The following DPYD variants were observed in gnomAD, a reference collection of about 807,000 sequenced individuals.
DPYD encodes the protein dihydropyrimidine dehydrogenase [NADP(+)].
Under a neutral mutation model 116.2 loss-of-function variants are expected in DPYD, and 109 were observed. That is an observed-to-expected ratio of 0.94 (90% CI 0.80 to 1.10). The LOEUF (loss-of-function observed/expected upper bound fraction) is 1.10. DPYD is among the 50% of genes least tolerant of loss of function. The pLI is 0.00. For synonymous variants in DPYD, 440 were observed against 432.0 expected (o/e 1.02, Z -0.23); for missense variants, 1,302 against 1,254.5 (o/e 1.04, Z -0.57).
intron 10 of DPYD, among the ~76,000 whole-genome samples, chr1:97,577,655 T>A (rs1354074681): frequency 6.6e-6 from 1 of 152,118 alleles, no homozygotes; most frequent in Non-Finnish European, 1.5e-5. Context: ...CCTGTCCCAA[T>A]CATTGAAGGA....
intron 1 of DPYD, among the ~76,000 whole-genome samples, chr1:97,884,035 TATA>T (rs1217459516): frequency 2.0e-5 from 3 of 152,004 alleles, no homozygotes; most frequent in Admixed American, 6.6e-5. Context: ...TTATCATTGA[TATA>T]ATGACATCAT....
chr1:97,305,129 T>C (rs1170322301), intron 18 of DPYD, 130 bp downstream of exon 18: 1 of 1,308,166 alleles, frequency 7.6e-7, no homozygotes, highest in Non-Finnish European at 1.1e-6. Flanking sequence ...GTCATAACTA[T>C]TAGGAATATT....
At chr1:97,304,349 G>A (rs950932080) in intron 18 of DPYD, among the ~76,000 whole-genome samples, 1 of 151,938 alleles carries the variant, frequency 6.6e-6, no homozygotes, top group Non-Finnish European at 1.5e-5. Flanking sequence ...GGTGCTCCTC[G>A]TCAGCCTTCT....
At chr1:97,659,871 T>A (rs548483448) in intron 8 of DPYD, among the ~76,000 whole-genome samples, 1 of 152,248 alleles carries the variant, frequency 6.6e-6, no homozygotes, top group African/African-American at 2.4e-5. Flanking sequence ...TATATGAGTA[T>A]TGTATATTCA....
At chr1:97,752,164 T>A (rs562710862) in intron 3 of DPYD, among the ~76,000 whole-genome samples, 1 of 152,230 alleles carries the variant, frequency 6.6e-6, no homozygotes, top group African/African-American at 2.4e-5. Context: ...AATGTCCATA[T>A]ATGAATTGTC....
intron 14 of DPYD, among the ~76,000 whole-genome samples, chr1:97,423,807 C>T (rs917861343): frequency 6.6e-6 from 1 of 152,096 alleles, no homozygotes; most frequent in Non-Finnish European, 1.5e-5. Flanking sequence ...CTTTCTAGTC[C>T]TCTTCTCTCT....
intron 8 of DPYD, among the ~76,000 whole-genome samples, chr1:97,647,925 C>G (rs1457346549): frequency 6.6e-6 from 1 of 151,978 alleles, no homozygotes; most frequent in East Asian, 1.9e-4. Flanking sequence ...ACTGATGACT[C>G]AACTCTGCCC....
chr1:97,614,827 T>C (rs1227049523), intron 8 of DPYD, among the ~76,000 whole-genome samples: 1 of 152,126 alleles, frequency 6.6e-6, no homozygotes, highest in Non-Finnish European at 1.5e-5. Flanking sequence ...CTAGAAAATT[T>C]TACAATTCTT....
intron 3 of DPYD, among the ~76,000 whole-genome samples, chr1:97,765,844 G>T (rs1557944320): frequency 6.6e-6 from 1 of 152,196 alleles, no homozygotes; most frequent in Non-Finnish European, 1.5e-5. Context: ...GCTGATAATT[G>T]ATGCAAAAGC....
At chr1:97,775,629 T>A (rs1197256550) in intron 3 of DPYD, among the ~76,000 whole-genome samples, 1 of 152,160 alleles carries the variant, frequency 6.6e-6, no homozygotes, top group Non-Finnish European at 1.5e-5. Context: ...TCTGCTCTGT[T>A]TTTACTCAAC....
intron 22 of DPYD, among the ~76,000 whole-genome samples, chr1:97,080,577 C>T (rs1649085688): frequency 6.6e-6 from 1 of 152,056 alleles, no homozygotes; most frequent in African/African-American, 2.4e-5. Context: ...GAATATCTGT[C>T]CACACAAATT....
chr1:97,384,717 C>A (rs1017719784), intron 14 of DPYD, among the ~76,000 whole-genome samples: 8 of 151,750 alleles, frequency 5.3e-5, no homozygotes, highest in South Asian at 2.1e-4. Context: ...CAGGACTAGT[C>A]AACTAGAGAA....
intron 14 of DPYD, among the ~76,000 whole-genome samples, chr1:97,429,861 ATGTGGAGAAGAGGGT>A (rs1675076327): frequency 6.6e-6 from 1 of 152,070 alleles, no homozygotes; most frequent in Non-Finnish European, 1.5e-5. Flanking sequence ...AGGAATAGGG[ATGTGGAGAAGAGGGT>A]TGTGGAGAAG....
chr1:97,522,267 C>T (rs2101994357), intron 12 of DPYD, among the ~76,000 whole-genome samples: 1 of 152,232 alleles, frequency 6.6e-6, no homozygotes. Flanking sequence ...AGACACTTCT[C>T]AAAAGAAGAT....
intron 12 of DPYD, among the ~76,000 whole-genome samples, chr1:97,525,976 A>AGTGTGTGT (rs1491557954): frequency 1.4e-5 from 1 of 73,720 alleles, no homozygotes; most frequent in Non-Finnish European, 2.9e-5. Context: ...TGGGTAATTA[A>AGTGTGTGT]GAGTGTGTGT....
At chr1:97,716,459 G>A (rs2101014536) in intron 5 of DPYD, among the ~76,000 whole-genome samples, 1 of 151,916 alleles carries the variant, frequency 6.6e-6, no homozygotes, top group South Asian at 2.1e-4. Context: ...TCCAAACCCT[G>A]CCAAAAAAAC....
intron 7 of DPYD, among the ~76,000 whole-genome samples, chr1:97,684,597 A>C (rs1015237163): frequency 1.3e-5 from 2 of 151,670 alleles, no homozygotes; most frequent in African/African-American, 2.4e-5. Flanking sequence ...ACACACACCA[A>C]TAGGTAGACT....
intron 16 of DPYD, among the ~76,000 whole-genome samples, chr1:97,371,913 A>G (rs1671329428): frequency 6.6e-6 from 1 of 152,212 alleles, no homozygotes; most frequent in African/African-American, 2.4e-5. Context: ...GAGTTTTTAG[A>G]AAGCTTAATG....
chr1:97,739,126 T>A (rs751919340), intron 4 of DPYD, among the ~76,000 whole-genome samples: 1 of 152,142 alleles, frequency 6.6e-6, no homozygotes, highest in Non-Finnish European at 1.5e-5. Context: ...TGGATTCTCC[T>A]TTTCTGATGA....
Sources: gnomAD v4.1 joint callset for allele counts (sites outside exome capture counted in the v4.1 genomes callset) on GRCh38, gnomAD v4.1.1 for gene constraint, MANE v1.5 for transcripts, NCBI Gene and HGNC (gene_info 2026-07-23, HGNC 2026-07-21) for gene names.